NDUFA12: variants seen among roughly 807,000 people sequenced by gnomAD.
NDUFA12 encodes the protein NADH:ubiquinone oxidoreductase subunit A12, also known as NADH dehydrogenase [ubiquinone] 1 alpha subcomplex subunit 12.
Under a neutral mutation model 20.3 loss-of-function variants are expected in NDUFA12, and 17 were observed. That is an observed-to-expected ratio of 0.84 (90% CI 0.57 to 1.26). NDUFA12 has a LOEUF of 1.26. Among genes scored for constraint, NDUFA12 ranks in the 50% most tolerant of loss-of-function variants. The probability of loss-of-function intolerance (pLI) is 0.00; values close to 1 mark genes in which losing one functional copy is unlikely to be tolerated. For missense variants in NDUFA12, 191 were observed against 183.7 expected (o/e 1.04, Z -0.23); for synonymous variants, 72 against 63.6 (o/e 1.13, Z -0.63).
In NDUFA12 at chr12:95,002,703, A is replaced by T. The variant is rs564868490; in HGVS notation, c.169+36T>A. 21 of 1,463,266 alleles carry T rather than the reference A, an allele frequency of 1.4e-5. No homozygotes were observed. In the East Asian group the frequency reaches 4.8e-4, roughly 33 times the overall value. 90.6% of individuals were successfully genotyped at this position (1,463,266 alleles called of 1,614,324 possible). On this transcript the variant is annotated intron_variant, in intron 2 of 3. Coordinates refer to ENST00000327772, the MANE Select transcript of NDUFA12 (RefSeq NM_018838.5). ...TAGACTCAAATCAAATCCCAATCCC[A>T]ATCCAATTATTCATACTAAAAAATA...
intron 2 of NDUFA12, among the ~76,000 whole-genome samples, chr12:94,998,541 G>T (rs1320007833): frequency 6.6e-6 from 1 of 152,196 alleles, no homozygotes; most frequent in Admixed American, 6.5e-5. Flanking sequence ...AAGTCAAACT[G>T]TCGCTGTTTG....
chr12:94,993,937 A>C (rs1874733696), intron 3 of NDUFA12, among the ~76,000 whole-genome samples: 1 of 152,136 alleles, frequency 6.6e-6, no homozygotes, highest in Non-Finnish European at 1.5e-5. Context: ...CTGTCTCAAA[A>C]AAGAAACAAA....
At chr12:94,988,921 T>C (rs1874541642) in intron 3 of NDUFA12, among the ~76,000 whole-genome samples, 1 of 152,172 alleles carries the variant, frequency 6.6e-6, no homozygotes, top group South Asian at 2.1e-4. Flanking sequence ...TCTTACAACA[T>C]CTACATGATT....
intron 2 of NDUFA12, among the ~76,000 whole-genome samples, chr12:94,995,849 T>C (rs78184177): frequency 0.022 from 3,332 of 152,056 alleles, 117 homozygotes; most frequent in African/African-American, 0.075. Flanking sequence ...GAAGAAATAA[T>C]GGTTCTTCCA....
chr12:94,971,610 G>A lies in NDUFA12; in HGVS notation c.268C>T (p.Leu90Phe), dbSNP rs1319969113. Reference sequence around the variant, plus strand: ...GGAGGATCATCAGTCATACTGTGAAGCCAACGATGCCTTAAAGAGGGGAAA... The same window carrying A: ...GGAGGATCATCAGTCATACTGTGAAACCAACGATGCCTTAAAGAGGGGAAA... ...SMVPPEWHRW[L>F]HSMTDDPPTT... Residue 90 changes from leucine to phenylalanine, a missense_variant, in exon 4 of 4, where the codon CTT becomes TTT. Transcript: ENST00000327772. 1.4e-5 allele frequency: 23 copies of A among 1,614,002 alleles called. No individual in the cohort carries two copies. The highest frequency in any genetic ancestry group is 1.6e-4 in the Middle Eastern group (1 of 6,084).
chr12:94,981,635 A>G (rs1362747091), intron 3 of NDUFA12, among the ~76,000 whole-genome samples: 1 of 152,232 alleles, frequency 6.6e-6, no homozygotes, highest in African/African-American at 2.4e-5. Context: ...TATTAGTACT[A>G]GTATTCATTA....
At chr12:94,996,595 G>A (rs966079886) in intron 2 of NDUFA12, among the ~76,000 whole-genome samples, 3 of 151,920 alleles carry the variant, frequency 2.0e-5, no homozygotes, top group Non-Finnish European at 4.4e-5. Context: ...TGAGGCGGGT[G>A]GATCACGAGG....
chr12:94,992,546 T>G lies in NDUFA12; in HGVS notation c.257+1624A>C, dbSNP rs182902307. Among the ~76,000 whole-genome samples the G allele has an allele frequency of 4.1e-3, 617 of 152,326 alleles. 6 individuals carry two copies. Among genetic ancestry groups the G allele is most frequent in the Middle Eastern group, 6.8e-3 (2 of 294 alleles). The stretch of plus-strand genomic sequence containing the variant: ...CAAGAGATAGGTTCATGTTTTCTCA[T>G]GTAGAACTTGGGTGGAGCTTTCTAA... On this transcript the variant is annotated intron_variant, in intron 3 of 3. Transcript: ENST00000327772.
rs150296811 is a variant in NDUFA12 at position 94,985,071 on chromosome 12, C to T, written c.257+9099G>A. Among the ~76,000 whole-genome samples, 786 of 148,288 alleles carry T rather than the reference C, an allele frequency of 5.3e-3. 6 individuals are homozygous for T. Among genetic ancestry groups the T allele is most frequent in the African/African-American group, 0.018 (705 of 40,200 alleles). On this transcript the variant is annotated intron_variant, in intron 3 of 3. Transcript: ENST00000327772. ...GGCATGATGGCTCATGCCTGTAATCCCAGCATTTTGATAGGCCAAGGTGGG... is the reference window on the plus strand; with the variant it reads ...GGCATGATGGCTCATGCCTGTAATCTCAGCATTTTGATAGGCCAAGGTGGG...
At chr12:94,979,215 G>A (rs1362274529) in intron 3 of NDUFA12, among the ~76,000 whole-genome samples, 1 of 151,890 alleles carries the variant, frequency 6.6e-6, no homozygotes, top group Admixed American at 6.6e-5. Flanking sequence ...CTCCATCCTC[G>A]GCAACAGAGC....
intron 3 of NDUFA12, among the ~76,000 whole-genome samples, chr12:94,985,238 T>C (rs574289409): frequency 3.6e-4 from 55 of 152,006 alleles, no homozygotes; most frequent in Middle Eastern, 6.8e-3. Flanking sequence ...GGTGGAAGGA[T>C]TGCTTGAGCC....
intron 2 of NDUFA12, among the ~76,000 whole-genome samples, chr12:94,995,862 C>A (rs1874808698): frequency 6.6e-6 from 1 of 152,074 alleles, no homozygotes; most frequent in East Asian, 1.9e-4. Flanking sequence ...TTCTTCCATA[C>A]ACTGGAATGT....
rs766118227 is a variant in NDUFA12, at chr12:95,002,762, T to G, written c.146A>C (p.Tyr49Ser). ...ACCAAAAAATTGCTTGTTGTCTTCA[T>G]AGTATTTGTTTCCATATTTGTCTTC... is the stretch of plus-strand genomic sequence containing the variant. ...VGEDKYGNKY[Y>S]EDNKQFFGRH... Residue 49 changes from tyrosine to serine, a missense_variant, in exon 2 of 4, where the codon TAT becomes TCT. Coordinates refer to ENST00000327772, the MANE Select transcript of NDUFA12 (RefSeq NM_018838.5). 2.5e-6 allele frequency: 4 copies of G among 1,614,038 alleles called. No homozygotes were observed. The South Asian group carries it at 3.3e-5, about 13-fold the overall frequency.
chr12:94,976,210 C>G (rs1023380779), intron 3 of NDUFA12, among the ~76,000 whole-genome samples: 3 of 152,086 alleles, frequency 2.0e-5, no homozygotes, highest in Non-Finnish European at 4.4e-5. Flanking sequence ...TATAACAACT[C>G]GTGATAAATA....
At chr12:94,996,997 G>A (rs1206976542) in intron 2 of NDUFA12, 3 of 379,828 alleles carry the variant, frequency 7.9e-6, no homozygotes, top group African/African-American at 6.5e-5. Context: ...ATAGTTTTTA[G>A]ACAATCTCTT....
At chr12:94,989,302 G>A (rs1284690518) in intron 3 of NDUFA12, among the ~76,000 whole-genome samples, 1 of 152,044 alleles carries the variant, frequency 6.6e-6, no homozygotes, top group Non-Finnish European at 1.5e-5. Flanking sequence ...TTTATTCACT[G>A]CTTTACCCCA....
intron 3 of NDUFA12, among the ~76,000 whole-genome samples, chr12:94,983,169 G>T (rs932212822): frequency 1.3e-5 from 2 of 152,014 alleles, no homozygotes; most frequent in African/African-American, 4.8e-5. Flanking sequence ...TCCTTGACTG[G>T]TTTTTCTCTC....
chr12:94,982,106 A>T (rs1242467906), intron 3 of NDUFA12, among the ~76,000 whole-genome samples: 1 of 152,178 alleles, frequency 6.6e-6, no homozygotes, highest in Non-Finnish European at 1.5e-5. Flanking sequence ...GAACAGACTC[A>T]TAAGACTATC....
chr12:94,976,218 ATAT>A (rs1164038837), intron 3 of NDUFA12, among the ~76,000 whole-genome samples: 3 of 152,216 alleles, frequency 2.0e-5, no homozygotes, highest in South Asian at 2.1e-4. Flanking sequence ...CTCGTGATAA[ATAT>A]TATTATCCAA....
Sources: gnomAD v4.1 joint callset for allele counts (sites outside exome capture counted in the v4.1 genomes callset) on GRCh38, gnomAD v4.1.1 for gene constraint, MANE v1.5 for transcripts, NCBI Gene and HGNC (gene_info 2026-07-23, HGNC 2026-07-21) for gene names.